Variants in EFCAB14 observed in about 807,000 individuals in gnomAD.
EFCAB14 encodes the protein EF-hand calcium-binding domain-containing protein 14.
In EFCAB14, 43 loss-of-function variants were observed where a neutral mutation model predicts 56.5. The observed-to-expected ratio is 0.76, with a 90% CI of 0.60 to 0.98. EFCAB14 has a LOEUF of 0.98. Ranked by LOEUF, EFCAB14 falls within the 50% of genes least tolerant of loss-of-function variation. The probability of loss-of-function intolerance (pLI) is 0.00; values close to 1 mark genes in which losing one functional copy is unlikely to be tolerated. For synonymous variants in EFCAB14, 235 were observed against 212.9 expected, an observed-to-expected ratio of 1.10 and a Z score of -0.90; for missense variants, 538 against 580.3, an observed-to-expected ratio of 0.93 and a Z score of 0.75.
At position 46,684,718 on chromosome 1, in the gene EFCAB14, A is replaced by G. The variant is rs1039048926; in HGVS notation, c.1075-116T>C. ...GTGTTTGACCCTCAGTAGGTTCCCT[A>G]TAAAGACAATAAAAGAATGAATCAA... On this transcript the variant is annotated intron_variant, in intron 8 of 10. Coordinates refer to ENST00000371933, the MANE Select transcript of EFCAB14 (RefSeq NM_014774.3). 38 of 729,942 alleles carry G rather than the reference A, an allele frequency of 5.2e-5. No individual in the cohort carries two copies. The South Asian group carries it at 6.0e-4, about 11-fold the overall frequency. 45.2% of individuals were successfully genotyped at this position (729,942 alleles called of 1,614,324 possible).
At chr1:46,716,248 C>CAA (rs10718376) in intron 2 of EFCAB14, 47 bp downstream of exon 2, 3,264 of 1,052,160 alleles carry the variant, frequency 3.1e-3, no homozygotes, top group South Asian at 6.3e-3. Flanking sequence ...GACCCTGTCT[C>CAA]AAAAAAAAAA....
In EFCAB14 at chr1:46,694,979, C is replaced by CA. The variant is rs1181852945; in HGVS notation, c.579+1571dup. ...CATTCTCAGCAAACTATTGCAAGGA[C>CA]AAAAAACCAAACACTGCATGTTCTC... On this transcript the variant is annotated intron_variant, in intron 4 of 10. Transcript: ENST00000371933. 4.7e-5 allele frequency among the ~76,000 whole-genome samples: 7 copies of CA among 149,518 alleles called. No homozygotes were observed. The East Asian group carries it at 1.0e-3, about 21-fold the overall frequency.
At chr1:46,697,962 G>A (rs796611151) in intron 3 of EFCAB14, among the ~76,000 whole-genome samples, 16 of 149,954 alleles carry the variant, frequency 1.1e-4, no homozygotes, top group African/African-American at 3.2e-4. Flanking sequence ...AGTGATTCTC[G>A]TGCCTCAGCC....
intron 10 of EFCAB14, among the ~76,000 whole-genome samples, chr1:46,679,514 G>A (rs551673781): frequency 1.3e-5 from 2 of 150,546 alleles, no homozygotes; most frequent in South Asian, 4.2e-4. Flanking sequence ...TGTTGGCCAG[G>A]CTGGTCTTGA....
At chr1:46,709,744 T>C (rs2148850063) in intron 2 of EFCAB14, among the ~76,000 whole-genome samples, 1 of 152,186 alleles carries the variant, frequency 6.6e-6, no homozygotes, top group South Asian at 2.1e-4. Context: ...TCCTAGCACT[T>C]TGGGAGGCTG....
At chr1:46,704,280 G>A (rs922275809) in intron 3 of EFCAB14, among the ~76,000 whole-genome samples, 2 of 151,560 alleles carry the variant, frequency 1.3e-5, no homozygotes, top group African/African-American at 4.9e-5. Context: ...GTGAGACCCT[G>A]TCTCTATAAA....
intron 10 of EFCAB14, among the ~76,000 whole-genome samples, chr1:46,680,352 A>G (rs1355202854): frequency 6.6e-6 from 1 of 152,248 alleles, no homozygotes; most frequent in Non-Finnish European, 1.5e-5. Context: ...GTGTTAGGTC[A>G]ACAGAATGGA....
intron 7 of EFCAB14, among the ~76,000 whole-genome samples, chr1:46,687,214 T>G (rs574342185): frequency 6.6e-6 from 1 of 152,212 alleles, no homozygotes; most frequent in South Asian, 2.1e-4. Context: ...TGGAGAAATA[T>G]AAAGTAGGGG....
At chr1:46,717,342 G>A (rs185636462) in intron 1 of EFCAB14, among the ~76,000 whole-genome samples, 12 of 152,130 alleles carry the variant, frequency 7.9e-5, no homozygotes, top group Non-Finnish European at 1.5e-5. Flanking sequence ...CAATCCCAAT[G>A]TCCTCAAATC....
chr1:46,677,040 T>G lies in EFCAB14; in HGVS notation c.*1421A>C, dbSNP rs1225881701. ...CTATACCAAAGTTAAGTTTTTGTAG[T>G]TTTTTTTTCCCCTTTCAAGTTGTTG... On this transcript the variant is annotated 3_prime_UTR_variant, in exon 11 of 11. Transcript: ENST00000371933. 1 of 143,662 alleles carries G rather than the reference T, an allele frequency of 7.0e-6. No homozygotes were observed. The highest frequency in any genetic ancestry group is 1.9e-4 in the East Asian group (1 of 5,180). The allele number at this position is 143,662 out of a possible 1,614,324, so 8.9% of individuals were successfully genotyped here.
rs747999191 is a variant in EFCAB14 at position 46,678,512 on chromosome 1, A to G, written c.1437T>C (p.Asp479=). 7.1e-5 allele frequency: 115 copies of G among 1,614,052 alleles called. No individual in the cohort carries two copies. Among genetic ancestry groups the G allele is most frequent in the Non-Finnish European group, 9.3e-5 (110 of 1,180,034 alleles). The part of the protein sequence containing the change: ...EPESLRAFDS[D]GDGRYSFLEL... Reference sequence around the variant, plus strand: ...CCAGGAATGAGTATCTTCCATCTCCATCGGAATCAAATGCTCTCAAGCTCT... The same window carrying G: ...CCAGGAATGAGTATCTTCCATCTCCGTCGGAATCAAATGCTCTCAAGCTCT... Residue 479 remains aspartate (D), a synonymous_variant, in exon 11 of 11, where the codon GAT becomes GAC. Coordinates refer to ENST00000371933, the MANE Select transcript of EFCAB14 (RefSeq NM_014774.3).
At chr1:46,686,571 GT>G (rs1368737062) in intron 8 of EFCAB14, 3 of 558,066 alleles carry the variant, frequency 5.4e-6, no homozygotes, top group Non-Finnish European at 9.6e-6. Flanking sequence ...GCTCACTATG[GT>G]CCCCCCAGCT....
At chr1:46,712,065 T>C (rs966898808) in intron 2 of EFCAB14, among the ~76,000 whole-genome samples, 8 of 152,208 alleles carry the variant, frequency 5.3e-5, no homozygotes, top group Non-Finnish European at 1.2e-4. Flanking sequence ...CCAGAAAGAA[T>C]AAGTGACTTG....
intron 3 of EFCAB14, among the ~76,000 whole-genome samples, chr1:46,701,840 A>T (rs1557447311): frequency 6.6e-6 from 1 of 152,232 alleles, no homozygotes; most frequent in Non-Finnish European, 1.5e-5. Flanking sequence ...GTTCCCTAGG[A>T]CTTGGCTATT....
chr1:46,707,657 T>A (rs1196343816), intron 3 of EFCAB14, among the ~76,000 whole-genome samples: 1 of 152,230 alleles, frequency 6.6e-6, no homozygotes, highest in Non-Finnish European at 1.5e-5. Context: ...CTTCCAACTT[T>A]CTCTCAACTG....
chr1:46,697,348 T>C (rs1214621858), intron 3 of EFCAB14, among the ~76,000 whole-genome samples: 2 of 152,240 alleles, frequency 1.3e-5, no homozygotes, highest in Non-Finnish European at 2.9e-5. Flanking sequence ...TTCTGCTATT[T>C]AGGCATAGAA....
chr1:46,683,485 G>A (rs1676829960), intron 9 of EFCAB14, 60 bp from the exon 10 acceptor site: 1 of 1,532,148 alleles, frequency 6.5e-7, no homozygotes. Context: ...AATTAAACTA[G>A]TATCGAAGGT....
intron 2 of EFCAB14, among the ~76,000 whole-genome samples, chr1:46,713,909 C>T (rs1193964896): frequency 6.6e-6 from 1 of 152,080 alleles, no homozygotes; most frequent in African/African-American, 2.4e-5. Context: ...TACAATACTG[C>T]AAGGACAACT....
chr1:46,687,257 G>A (rs1676898873), intron 7 of EFCAB14, among the ~76,000 whole-genome samples: 3 of 152,198 alleles, frequency 2.0e-5, no homozygotes, highest in African/African-American at 2.4e-5. Context: ...GAGTTTAGGA[G>A]TGGTAAGTTT....
Sources: gnomAD v4.1 joint callset for allele counts (sites outside exome capture counted in the v4.1 genomes callset) on GRCh38, gnomAD v4.1.1 for gene constraint, MANE v1.5 for transcripts, NCBI Gene and HGNC (gene_info 2026-07-23, HGNC 2026-07-21) for gene names.